CCDC181: variants seen among roughly 807,000 people sequenced by gnomAD.
CCDC181 encodes the protein coiled-coil domain-containing protein 181.
A neutral mutation model predicts 58.7 loss-of-function variants in CCDC181; 35 were observed. The ratio of observed to expected loss-of-function variants is 0.60; its 90% CI spans 0.46 to 0.79. The LOEUF (loss-of-function observed/expected upper bound fraction) is 0.79. CCDC181 is among the 30% of genes least tolerant of loss of function. CCDC181 has a pLI of 0.00. For missense variants in CCDC181, 517 were observed against 583.9 expected, an observed-to-expected ratio of 0.89 and a Z score of 1.18; for synonymous variants, 183 against 197.5, an observed-to-expected ratio of 0.93 and a Z score of 0.62.
intron 4 of CCDC181, among the ~76,000 whole-genome samples, chr1:169,418,119 T>C (rs1452345080): frequency 6.6e-6 from 1 of 152,196 alleles, no homozygotes; most frequent in Non-Finnish European, 1.5e-5. Context: ...TAACGAAACA[T>C]TTCACTCTAA....
At chr1:169,418,317 G>C (rs1656304221) in intron 4 of CCDC181, among the ~76,000 whole-genome samples, 1 of 151,922 alleles carries the variant, frequency 6.6e-6, no homozygotes, top group South Asian at 2.1e-4. Context: ...GAAAAAGAGA[G>C]ATTTAAATGT....
chr1:169,444,498 T>C (rs942270961), intron 2 of CCDC181, among the ~76,000 whole-genome samples: 1 of 152,206 alleles, frequency 6.6e-6, no homozygotes, highest in African/African-American at 2.4e-5. Flanking sequence ...TTTCCTACAA[T>C]GACCTTAAAC....
chr1:169,404,747 C>A (rs1485748181), intron 4 of CCDC181, among the ~76,000 whole-genome samples: 1 of 152,150 alleles, frequency 6.6e-6, no homozygotes, highest in African/African-American at 2.4e-5. Context: ...TGAAAACTGG[C>A]ACAAGACAGG....
At chr1:169,449,509 G>C (rs547365345) in intron 2 of CCDC181, among the ~76,000 whole-genome samples, 1 of 152,320 alleles carries the variant, frequency 6.6e-6, no homozygotes, top group South Asian at 2.1e-4. Context: ...TCCCACAACA[G>C]GCCATCTGCA....
chr1:169,410,369 C>A (rs1038295039), intron 4 of CCDC181, among the ~76,000 whole-genome samples: 1 of 152,130 alleles, frequency 6.6e-6, no homozygotes, highest in African/African-American at 2.4e-5. Flanking sequence ...GCACCCAATA[C>A]AGGAGCACCC....
chr1:169,440,931 T>TAAAAAAAAAAAAAAAAAAAAAAAAAAA lies in CCDC181; in HGVS notation c.-23-15982_-23-15981insTTTTTTTTTTTTTTTTTTTTTTTTTTT, dbSNP rs72040890. Among the ~76,000 whole-genome samples, 113 of 76,766 alleles carry TAAAAAAAAAAAAAAAAAAAAAAAAAAA rather than the reference T, an allele frequency of 1.5e-3. 2 individuals are homozygous for TAAAAAAAAAAAAAAAAAAAAAAAAAAA. Among genetic ancestry groups the TAAAAAAAAAAAAAAAAAAAAAAAAAAA allele is most frequent in the African/African-American group, 5.7e-3 (106 of 18,754 alleles). 50.4% of individuals were successfully genotyped at this position (76,766 alleles called of 152,430 possible). A position where few individuals can be genotyped will look rare whatever the true frequency, so the allele number is the denominator to read the frequency against. ...GCCCAGGCAACAGAGCAAGACTGTC[T>TAAAAAAAAAAAAAAAAAAAAAAAAAAA]AAAAAAAAAAAAAAGGCAAGATGAG... On this transcript the variant is annotated intron_variant, in intron 2 of 6. Coordinates refer to the CCDC181 transcript ENST00000545005.
chr1:169,458,192 T>TG (rs1657732721), intron 2 of CCDC181, among the ~76,000 whole-genome samples: 1 of 148,396 alleles, frequency 6.7e-6, no homozygotes, highest in African/African-American at 2.5e-5. Flanking sequence ...TTTTTTTGTT[T>TG]TGTTTTTTTT....
At chr1:169,407,730 C>A (rs1036729986) in intron 4 of CCDC181, among the ~76,000 whole-genome samples, 1 of 152,176 alleles carries the variant, frequency 6.6e-6, no homozygotes, top group Non-Finnish European at 1.5e-5. Flanking sequence ...CTGAGGCACT[C>A]GGCTCATCTC....
intron 2 of CCDC181, among the ~76,000 whole-genome samples, chr1:169,423,877 C>T (rs1001782220): frequency 6.6e-6 from 1 of 151,988 alleles, no homozygotes; most frequent in Admixed American, 6.6e-5. Context: ...GACTCTGTTT[C>T]CATCTTCAAA....
At chr1:169,441,879 A>G (rs1389616140) in intron 2 of CCDC181, among the ~76,000 whole-genome samples, 1 of 152,000 alleles carries the variant, frequency 6.6e-6, no homozygotes, top group Non-Finnish European at 1.5e-5. Flanking sequence ...ACTGTTTAAT[A>G]CTAGTTACGT....
intron 2 of CCDC181, chr1:169,452,439 A>C (rs1369374690): frequency 6.6e-6 from 1 of 152,044 alleles, no homozygotes; most frequent in Non-Finnish European, 1.5e-5. Flanking sequence ...AGTTCTTTTC[A>C]AGGAGTTTTA....
intron 2 of CCDC181, among the ~76,000 whole-genome samples, chr1:169,457,192 T>C (rs569554325): frequency 1.4e-4 from 22 of 152,164 alleles, no homozygotes; most frequent in Non-Finnish European, 2.4e-4. Flanking sequence ...CCTAAGTTAA[T>C]TGTAATTTAA....
chr1:169,458,363 G>T (rs1657739759), intron 2 of CCDC181, among the ~76,000 whole-genome samples: 1 of 151,972 alleles, frequency 6.6e-6, no homozygotes, highest in African/African-American at 2.4e-5. Flanking sequence ...ATTCCCACCA[G>T]CAATTTATGA....
intron 2 of CCDC181, among the ~76,000 whole-genome samples, chr1:169,442,314 AGGAG>A (rs1657252300): frequency 6.6e-6 from 1 of 152,098 alleles, no homozygotes; most frequent in South Asian, 2.1e-4. Context: ...TATATTCCTT[AGGAG>A]TCAATTACTT....
chr1:169,421,851 C>G lies in CCDC181; in HGVS notation c.580G>C (p.Asp194His), dbSNP rs748840935. Residue 194 changes from aspartate to histidine, a missense_variant, in exon 3 of 6, where the codon GAT becomes CAT. Transcript: ENST00000367806. Reference protein sequence around the residue: ...GKLSQLCISNDFGQEDVLLSL... With the variant: ...GKLSQLCISNHFGQEDVLLSL... ...AGGAGCACATCTTCTTGTCCAAAAT[C>G]ATTGGAAATACATAATTGTGACAGT... The G allele has an allele frequency of 6.2e-7, 1 of 1,613,924 alleles. No individual in the cohort carries two copies. Among genetic ancestry groups the G allele is most frequent in the Admixed American group, 1.7e-5 (1 of 59,972 alleles).
At chr1:169,404,362 G>A (rs1295416016) in intron 4 of CCDC181, among the ~76,000 whole-genome samples, 1 of 152,110 alleles carries the variant, frequency 6.6e-6, no homozygotes, top group African/African-American at 2.4e-5. Flanking sequence ...AACAAAAAAA[G>A]AGAATTTTTG....
chr1:169,455,515 G>A (rs1422013338), intron 2 of CCDC181, among the ~76,000 whole-genome samples: 1 of 152,084 alleles, frequency 6.6e-6, no homozygotes, highest in Non-Finnish European at 1.5e-5. Flanking sequence ...TCTGATATAT[G>A]GAGAGCCAAA....
chr1:169,426,520 T>G (rs1027583091), intron 1 of CCDC181, among the ~76,000 whole-genome samples: 2 of 152,226 alleles, frequency 1.3e-5, no homozygotes, highest in East Asian at 3.8e-4. Flanking sequence ...GTAAATCCCA[T>G]GTGGATAGGT....
intron 4 of CCDC181, among the ~76,000 whole-genome samples, chr1:169,410,322 A>G (rs958252250): frequency 2.6e-5 from 4 of 152,224 alleles, no homozygotes; most frequent in Admixed American, 1.3e-4. Flanking sequence ...TAAAGGGATC[A>G]ATGCAACAAG....
Sources: allele counts gnomAD v4.1 joint callset (sites outside exome capture counted in the v4.1 genomes callset), GRCh38; gene constraint gnomAD v4.1.1; transcripts MANE v1.5; gene names NCBI Gene and HGNC (gene_info 2026-07-23, HGNC 2026-07-21).